The following ATE1 variants were observed in gnomAD, a reference collection of about 807,000 sequenced individuals.
The protein encoded by ATE1 is arginyl-tRNA--protein transferase 1.
In ATE1, 36 loss-of-function variants were observed where a neutral mutation model predicts 70.5. The ratio of observed to expected loss-of-function variants is 0.51; its 90% CI spans 0.39 to 0.67. The LOEUF (loss-of-function observed/expected upper bound fraction) is 0.67. ATE1 is among the 30% of genes least tolerant of loss of function. The probability of loss-of-function intolerance (pLI) is 0.00; values close to 1 mark genes in which losing one functional copy is unlikely to be tolerated. For missense variants in ATE1, 593 were observed against 629.5 expected (o/e 0.94, Z 0.62); for synonymous variants, 232 against 219.3 (o/e 1.06, Z -0.51).
At chr10:121,810,000 T>C (rs1321674236) in intron 10 of ATE1, among the ~76,000 whole-genome samples, 2 of 151,984 alleles carry the variant, frequency 1.3e-5, no homozygotes, top group African/African-American at 4.8e-5. Flanking sequence ...TGAGGAAGGT[T>C]TACTGAAGGC....
chr10:121,819,679 C>CAAAGAAA (rs1947709152), intron 10 of ATE1, among the ~76,000 whole-genome samples: 1 of 52,722 alleles, frequency 1.9e-5, no homozygotes, highest in African/African-American at 8.7e-5. Flanking sequence ...AAGACTGTCT[C>CAAAGAAA]AAAAAAAAAA....
At chr10:121,764,086 C>T (rs1022379841) in intron 11 of ATE1, among the ~76,000 whole-genome samples, 7 of 151,916 alleles carry the variant, frequency 4.6e-5, no homozygotes, top group East Asian at 1.9e-4. Flanking sequence ...AATATTGGCT[C>T]ATCAACTGTA....
chr10:121,861,699 C>A (rs904021500), intron 8 of ATE1, among the ~76,000 whole-genome samples: 1 of 147,702 alleles, frequency 6.8e-6, no homozygotes, highest in Non-Finnish European at 1.5e-5. Context: ...TGTATACATA[C>A]GTAACTAACC....
At chr10:121,770,101 T>C (rs1423748421) in intron 11 of ATE1, among the ~76,000 whole-genome samples, 2 of 152,176 alleles carry the variant, frequency 1.3e-5, no homozygotes, top group Admixed American at 1.3e-4. Flanking sequence ...ACAACTGAGA[T>C]GTCCTTCAAC....
intron 10 of ATE1, among the ~76,000 whole-genome samples, chr10:121,811,670 A>AC (rs1303349070): frequency 6.6e-6 from 1 of 152,182 alleles, no homozygotes; most frequent in Non-Finnish European, 1.5e-5. Flanking sequence ...TGCAAGACTC[A>AC]CCAATCCTAC....
chr10:121,765,271 A>T (rs1362125879), intron 11 of ATE1, among the ~76,000 whole-genome samples: 2 of 152,230 alleles, frequency 1.3e-5, no homozygotes, highest in South Asian at 4.1e-4. Context: ...GGGTTCATCC[A>T]CCCTTCAGTA....
At chr10:121,748,700 A>C (rs1371928665) in intron 11 of ATE1, among the ~76,000 whole-genome samples, 2 of 152,002 alleles carry the variant, frequency 1.3e-5, no homozygotes, top group East Asian at 3.9e-4. Flanking sequence ...ATTGTTCTGG[A>C]TCAAAGCTGT....
chr10:121,864,409 T>C (rs2133979468), intron 8 of ATE1, among the ~76,000 whole-genome samples: 1 of 152,320 alleles, frequency 6.6e-6, no homozygotes, highest in East Asian at 1.9e-4. Context: ...CAGGCAGCAA[T>C]GCTCGCTCAC....
intron 1 of ATE1, chr10:121,926,869 TCC>T (rs1952113021): frequency 1.0e-6 from 1 of 984,784 alleles, no homozygotes; most frequent in Non-Finnish European, 1.2e-6. Context: ...GTCTTCATAA[TCC>T]TCACTTCTAA....
At chr10:121,814,512 G>A (rs1281151745) in intron 10 of ATE1, among the ~76,000 whole-genome samples, 4 of 152,208 alleles carry the variant, frequency 2.6e-5, no homozygotes, top group Non-Finnish European at 4.4e-5. Context: ...GCATATCCAA[G>A]ATACACATGA....
At chr10:121,888,677 A>G (rs1334136572) in intron 7 of ATE1, among the ~76,000 whole-genome samples, 1 of 148,586 alleles carries the variant, frequency 6.7e-6, no homozygotes, top group African/African-American at 2.4e-5. Flanking sequence ...AAAGGTATGT[A>G]TAAGGATGTA....
intron 11 of ATE1, among the ~76,000 whole-genome samples, chr10:121,772,156 C>G (rs936343333): frequency 3.3e-5 from 5 of 152,226 alleles, no homozygotes; most frequent in African/African-American, 9.6e-5. Context: ...AAGGATATAG[C>G]GCCAAACTGG....
chr10:121,825,691 G>C (rs929992095), intron 10 of ATE1, among the ~76,000 whole-genome samples: 3 of 152,182 alleles, frequency 2.0e-5, no homozygotes, highest in Non-Finnish European at 4.4e-5. Flanking sequence ...AACAAGTGCT[G>C]GTGAGGATGT....
chr10:121,866,939 A>G (rs1057114186), intron 8 of ATE1, among the ~76,000 whole-genome samples: 2 of 151,944 alleles, frequency 1.3e-5, no homozygotes, highest in Non-Finnish European at 2.9e-5. Flanking sequence ...TATAACTGAG[A>G]GCATCCGAAG....
In ATE1 at chr10:121,773,949, A is replaced by G. The variant is rs1312311521; in HGVS notation, c.1378+16220T>C. ...AATGGCTGTAGTTTCTACAAAGTCA[A>G]GACTATGCTCCAAAAGCAAACTCTA... On this transcript the variant is annotated intron_variant, in intron 11 of 11. Transcript: ENST00000224652. Among the ~76,000 whole-genome samples the G allele has an allele frequency of 2.0e-5, 3 of 152,234 alleles. No homozygotes were observed. The East Asian group carries it at 5.8e-4, about 29-fold the overall frequency.
intron 7 of ATE1, among the ~76,000 whole-genome samples, chr10:121,884,366 A>G (rs1029308441): frequency 1.3e-5 from 2 of 152,030 alleles, no homozygotes; most frequent in East Asian, 3.9e-4. Context: ...TAATCTCAGC[A>G]CTTTGGGAGG....
intron 11 of ATE1, among the ~76,000 whole-genome samples, chr10:121,779,725 C>A (rs1211382039): frequency 6.6e-6 from 1 of 152,194 alleles, no homozygotes; most frequent in Non-Finnish European, 1.5e-5. Context: ...ATCAGACTTA[C>A]CACTCTAGCC....
chr10:121,899,023 G>A, intron 7 of ATE1: 2 of 1,580,480 alleles, frequency 1.3e-6, no homozygotes, highest in South Asian at 2.3e-5. Context: ...CTGATGATAT[G>A]CTTCTGAAGG....
chr10:121,874,459 G>A (rs894332317), intron 7 of ATE1, among the ~76,000 whole-genome samples: 5 of 152,212 alleles, frequency 3.3e-5, no homozygotes, highest in East Asian at 3.9e-4. Context: ...CACAGCTAGC[G>A]CCCATTTAAA....
Sources: allele counts gnomAD v4.1 joint callset (sites outside exome capture counted in the v4.1 genomes callset), GRCh38; gene constraint gnomAD v4.1.1; transcripts MANE v1.5; gene names NCBI Gene and HGNC (gene_info 2026-07-23, HGNC 2026-07-21).